PTPRD: variants seen among roughly 807,000 people sequenced by gnomAD.
The protein encoded by PTPRD is protein tyrosine phosphatase receptor type D.
A neutral mutation model predicts 214.5 loss-of-function variants in PTPRD; 34 were observed. That is an observed-to-expected ratio of 0.16 (90% CI 0.12 to 0.21). The LOEUF (loss-of-function observed/expected upper bound fraction) is 0.21. Ranked by LOEUF, PTPRD falls within the 10% of genes least tolerant of loss-of-function variation. The pLI is 1.00. For missense variants in PTPRD, 2,545 were observed against 2,398.7 expected, an observed-to-expected ratio of 1.06 and a Z score of -1.27; for synonymous variants, 1,128 against 845.7, an observed-to-expected ratio of 1.33 and a Z score of -5.79.
At chr9:10,249,880 G>GA (rs1182364533) in intron 3 of PTPRD, among the ~76,000 whole-genome samples, 1 of 151,770 alleles carries the variant, frequency 6.6e-6, no homozygotes, top group Admixed American at 6.6e-5. Context: ...TGCTACATTT[G>GA]AAAAAAATAA....
chr9:9,346,104 G>A, intron 9 of PTPRD, among the ~76,000 whole-genome samples: 1 of 152,120 alleles, frequency 6.6e-6, no homozygotes, highest in East Asian at 1.9e-4. Context: ...TCACACCCCA[G>A]AGCATAAATA....
rs1024673186 is a variant in PTPRD at position 8,418,716 on chromosome 9, C to T, written c.4087-14056G>A. ...GAGGATAACAGACTGATGCATTCTT[C>T]GAGTATGTTCTATCAATGCTGATAG... On this transcript the variant is annotated intron_variant, in intron 35 of 45. Transcript: ENST00000381196. Among the ~76,000 whole-genome samples the T allele has an allele frequency of 1.3e-5, 2 of 151,922 alleles. 1 individual carries two copies. Among genetic ancestry groups the T allele is most frequent in the Non-Finnish European group, 2.9e-5 (2 of 68,000 alleles).
chr9:8,991,145 G>A (rs1010807137), intron 11 of PTPRD, among the ~76,000 whole-genome samples: 2 of 151,522 alleles, frequency 1.3e-5, no homozygotes, highest in Non-Finnish European at 2.9e-5. Flanking sequence ...CTTGAACACG[G>A]GAGGTGGAGG....
rs534924668 is a variant in PTPRD, at chr9:9,603,511, C to T, written c.-286-28730G>A. Among the ~76,000 whole-genome samples the T allele has an allele frequency of 7.0e-4, 107 of 152,284 alleles. No individual in the cohort carries two copies. In the South Asian group the frequency reaches 7.9e-3, roughly 11 times the overall value. On this transcript the variant is annotated intron_variant, in intron 7 of 45. Coordinates refer to ENST00000381196, the MANE Select transcript of PTPRD (RefSeq NM_002839.4). ...AGTCCTTGGCCTGTCAGGAACCAGGCGGCATACCCGGAAGTGAGCAGCAGG... is the reference window on the plus strand; with the variant it reads ...AGTCCTTGGCCTGTCAGGAACCAGGTGGCATACCCGGAAGTGAGCAGCAGG...
intron 3 of PTPRD, among the ~76,000 whole-genome samples, chr9:10,295,524 C>T (rs566461603): frequency 6.6e-6 from 1 of 152,154 alleles, no homozygotes; most frequent in East Asian, 1.9e-4. Flanking sequence ...CTCTTAGGTT[C>T]TCCGATTACT....
chr9:9,546,360 C>T (rs1165825589), intron 8 of PTPRD, among the ~76,000 whole-genome samples: 1 of 151,660 alleles, frequency 6.6e-6, no homozygotes, highest in East Asian at 1.9e-4. Context: ...AGAACTTATG[C>T]AATTTTTATA....
At chr9:8,511,417 G>A (rs560751615) in intron 21 of PTPRD, among the ~76,000 whole-genome samples, 35 of 151,314 alleles carry the variant, frequency 2.3e-4, no homozygotes, top group Admixed American at 3.3e-4. Context: ...TACACATCAC[G>A]GTTTCTCACT....
intron 2 of PTPRD, among the ~76,000 whole-genome samples, chr9:10,522,175 A>AG (rs1201848799): frequency 1.3e-5 from 2 of 152,162 alleles, no homozygotes; most frequent in Non-Finnish European, 2.9e-5. Flanking sequence ...GCTACTCCAT[A>AG]GGCAGTGGAT....
At chr9:8,772,526 G>A (rs947395211) in intron 11 of PTPRD, among the ~76,000 whole-genome samples, 2 of 152,012 alleles carry the variant, frequency 1.3e-5, no homozygotes, top group African/African-American at 4.8e-5. Context: ...GTGCATGCCT[G>A]TGGTCCCAGC....
At chr9:9,354,892 C>A (rs557210618) in intron 9 of PTPRD, among the ~76,000 whole-genome samples, 2 of 151,420 alleles carry the variant, frequency 1.3e-5, no homozygotes, top group South Asian at 2.1e-4. Flanking sequence ...GTGCAAGAGG[C>A]CTAAGGATAG....
intron 8 of PTPRD, among the ~76,000 whole-genome samples, chr9:9,565,180 A>T (rs534946538): frequency 6.6e-6 from 1 of 151,786 alleles, no homozygotes; most frequent in South Asian, 2.1e-4. Context: ...GTAATTGTAA[A>T]CTAACAATAT....
intron 9 of PTPRD, among the ~76,000 whole-genome samples, chr9:9,202,026 CAAG>C: frequency 6.6e-6 from 1 of 152,226 alleles, no homozygotes; most frequent in East Asian, 1.9e-4. Flanking sequence ...GAGTTCAGTG[CAAG>C]AAGTGCTTGT....
chr9:8,527,907 T>A (rs2074632183), intron 15 of PTPRD, among the ~76,000 whole-genome samples: 1 of 152,138 alleles, frequency 6.6e-6, no homozygotes, highest in Non-Finnish European at 1.5e-5. Context: ...CTACTGTGGC[T>A]AATGTGTAGA....
chr9:9,892,451 G>C (rs550891482), intron 5 of PTPRD, among the ~76,000 whole-genome samples: 4 of 152,230 alleles, frequency 2.6e-5, no homozygotes, highest in South Asian at 4.1e-4. Context: ...CTAGGGCACA[G>C]TGAGCCAGAC....
intron 2 of PTPRD, among the ~76,000 whole-genome samples, chr9:10,442,904 C>A (rs1360754966): frequency 6.6e-6 from 1 of 151,238 alleles, no homozygotes; most frequent in Admixed American, 6.6e-5. Flanking sequence ...GACAAATTAC[C>A]CTTTCTTGAC....
intron 11 of PTPRD, among the ~76,000 whole-genome samples, chr9:9,013,819 G>T (rs139037276): frequency 6.6e-6 from 1 of 152,096 alleles, no homozygotes; most frequent in South Asian, 2.1e-4. Flanking sequence ...TTAATCCTTG[G>T]AGTCCCACTA....
intron 10 of PTPRD, among the ~76,000 whole-genome samples, chr9:9,029,799 G>C (rs2099598738): frequency 6.6e-6 from 1 of 151,874 alleles, no homozygotes; most frequent in Admixed American, 6.6e-5. Context: ...ATAATGGTGG[G>C]ACATCCAGGA....
At chr9:10,316,030 G>A (rs1427838280) in intron 3 of PTPRD, among the ~76,000 whole-genome samples, 2 of 151,266 alleles carry the variant, frequency 1.3e-5, no homozygotes, top group Non-Finnish European at 2.9e-5. Flanking sequence ...AAAGTGAGCT[G>A]AACATAGTAT....
chr9:10,363,979 C>G (rs2097449722), intron 2 of PTPRD, among the ~76,000 whole-genome samples: 1 of 109,738 alleles, frequency 9.1e-6, no homozygotes, highest in Admixed American at 9.8e-5. Context: ...ATTATTGCCT[C>G]CACATTTTCG....
Sources: gnomAD v4.1 joint callset for allele counts (sites outside exome capture counted in the v4.1 genomes callset) on GRCh38, gnomAD v4.1.1 for gene constraint, MANE v1.5 for transcripts, NCBI Gene and HGNC (gene_info 2026-07-23, HGNC 2026-07-21) for gene names.